Variants in FCHSD2 observed in about 807,000 individuals in gnomAD.
FCHSD2 encodes F-BAR and double SH3 domains protein 2.
A neutral mutation model predicts 108.1 loss-of-function variants in FCHSD2; 38 were observed. That is an observed-to-expected ratio of 0.35 (90% CI 0.27 to 0.46). The LOEUF is 0.46. Among genes scored for constraint, FCHSD2 ranks in the 20% least tolerant of loss-of-function variants. The pLI, the probability that FCHSD2 is intolerant of heterozygous loss-of-function variation, is 1.00. For missense variants in FCHSD2, 751 were observed against 897.8 expected (o/e 0.84, Z 2.09); for synonymous variants, 279 against 314.7 (o/e 0.89, Z 1.20).
At chr11:72,882,243 C>G (rs1035521089) in intron 12 of FCHSD2, among the ~76,000 whole-genome samples, 1 of 151,824 alleles carries the variant, frequency 6.6e-6, no homozygotes, top group Non-Finnish European at 1.5e-5. Flanking sequence ...GAGTTCGAGA[C>G]CAGCTTGGCC....
chr11:73,132,051 T>C (rs1192348299), intron 2 of FCHSD2, among the ~76,000 whole-genome samples: 1 of 152,204 alleles, frequency 6.6e-6, no homozygotes, highest in Non-Finnish European at 1.5e-5. Context: ...ATTCCAACCA[T>C]TGTCTCTGGG....
intron 8 of FCHSD2, among the ~76,000 whole-genome samples, chr11:72,956,282 T>C (rs1054779086): frequency 1.7e-4 from 26 of 152,034 alleles, no homozygotes; most frequent in African/African-American, 6.0e-4. Flanking sequence ...CTAAGAAAAG[T>C]AGAAGAAATG....
chr11:73,103,869 C>T (rs143395790), intron 2 of FCHSD2, among the ~76,000 whole-genome samples: 3 of 152,332 alleles, frequency 2.0e-5, no homozygotes, highest in Admixed American at 2.0e-4. Context: ...ACCAAGCAAA[C>T]TCTCCTCCAG....
intron 3 of FCHSD2, among the ~76,000 whole-genome samples, chr11:73,082,251 C>T (rs1225357583): frequency 7.3e-6 from 1 of 137,110 alleles, no homozygotes; most frequent in South Asian, 2.4e-4. Flanking sequence ...GCAGGAGAAT[C>T]GCTTGAATCT....
At chr11:72,882,775 C>G (rs908204924) in intron 12 of FCHSD2, among the ~76,000 whole-genome samples, 19 of 152,168 alleles carry the variant, frequency 1.2e-4, no homozygotes, top group African/African-American at 4.6e-4. Flanking sequence ...GTTGAGAAGT[C>G]AATTCTCCTC....
At chr11:72,958,519 AAAAAC>A (rs900386832) in intron 8 of FCHSD2, among the ~76,000 whole-genome samples, 1 of 152,236 alleles carries the variant, frequency 6.6e-6, no homozygotes. Flanking sequence ...TCCATCTCAA[AAAAAC>A]AAAACAAAAC....
intron 5 of FCHSD2, among the ~76,000 whole-genome samples, chr11:72,999,088 C>G (rs1857574314): frequency 6.6e-6 from 1 of 152,144 alleles, no homozygotes; most frequent in Admixed American, 6.5e-5. Context: ...TAGATCCACC[C>G]ATGCTTGAAG....
At chr11:73,096,987 A>AATTTTTTTTTTTTTTTTTTTTT (rs1860095700) in intron 2 of FCHSD2, among the ~76,000 whole-genome samples, 5 of 27,022 alleles carry the variant, frequency 1.9e-4, no homozygotes, top group Admixed American at 8.4e-4. Context: ...TCATTGATGG[A>AATTTTTTTTTTTTTTTTTTTTT]TTTTTTTTTT....
rs548491010 is a variant in FCHSD2, at chr11:73,133,992, TA to T, written c.119+6038del. 7.7e-3 allele frequency among the ~76,000 whole-genome samples: 1,146 copies of T among 149,360 alleles called. 9 individuals are homozygous for T. The highest frequency in any genetic ancestry group is 0.026 in the African/African-American group (1,062 of 40,676). ...TTGGCGTGACGATTGTACAATCCTA[TA>T]AAAAAAAAGTTGAATGGTACACTTT... is the stretch of plus-strand genomic sequence containing the variant. On this transcript the variant is annotated intron_variant, in intron 2 of 19. Transcript: ENST00000409418.
intron 5 of FCHSD2, among the ~76,000 whole-genome samples, chr11:72,995,485 T>C (rs1413540210): frequency 6.6e-6 from 1 of 151,912 alleles, no homozygotes. Context: ...CCAGATATCT[T>C]GAGCCCTGGA....
intron 4 of FCHSD2, among the ~76,000 whole-genome samples, chr11:73,003,631 C>A (rs1350666615): frequency 1.3e-5 from 2 of 150,118 alleles, no homozygotes; most frequent in Non-Finnish European, 3.0e-5. Context: ...GGACTACAGG[C>A]GCCCGCCACT....
chr11:73,043,323 G>A (rs1022446115), intron 3 of FCHSD2, among the ~76,000 whole-genome samples: 4 of 152,142 alleles, frequency 2.6e-5, no homozygotes, highest in Non-Finnish European at 5.9e-5. Context: ...AAGTAGTGAA[G>A]ATAAATATTA....
intron 5 of FCHSD2, among the ~76,000 whole-genome samples, chr11:72,997,890 G>A (rs1269287219): frequency 6.6e-6 from 1 of 152,062 alleles, no homozygotes; most frequent in Non-Finnish European, 1.5e-5. Flanking sequence ...TTGTAGAGAC[G>A]GGATTTCACC....
At chr11:73,013,640 A>G (rs976403445) in intron 4 of FCHSD2, among the ~76,000 whole-genome samples, 1 of 152,194 alleles carries the variant, frequency 6.6e-6, no homozygotes, top group Non-Finnish European at 1.5e-5. Flanking sequence ...TATTATATCT[A>G]CCTCACAGAG....
chr11:73,101,416 T>G (rs1860222068), intron 2 of FCHSD2, among the ~76,000 whole-genome samples: 1 of 152,082 alleles, frequency 6.6e-6, no homozygotes, highest in Non-Finnish European at 1.5e-5. Flanking sequence ...AGGTAAAGGC[T>G]GTACTCTTGT....
intron 3 of FCHSD2, among the ~76,000 whole-genome samples, chr11:73,038,981 C>T (rs1858565491): frequency 6.6e-6 from 1 of 152,158 alleles, no homozygotes; most frequent in Non-Finnish European, 1.5e-5. Context: ...GCCTAGTATT[C>T]ATAATCTTCT....
chr11:73,017,254 C>T (rs982612167), intron 3 of FCHSD2, among the ~76,000 whole-genome samples: 1 of 152,202 alleles, frequency 6.6e-6, no homozygotes, highest in Admixed American at 6.5e-5. Flanking sequence ...TCTGGGATTA[C>T]AAGTATGAGT....
intron 3 of FCHSD2, among the ~76,000 whole-genome samples, chr11:73,029,409 T>C (rs919910803): frequency 6.6e-6 from 1 of 152,136 alleles, no homozygotes; most frequent in Admixed American, 6.5e-5. Context: ...AGAGAAAGAT[T>C]TGGAGAGTAA....
At chr11:73,047,481 G>A (rs1858796426) in intron 3 of FCHSD2, among the ~76,000 whole-genome samples, 1 of 152,136 alleles carries the variant, frequency 6.6e-6, no homozygotes, top group South Asian at 2.1e-4. Flanking sequence ...TCTATCCTTT[G>A]TTTTGGATTC....
Sources: allele counts gnomAD v4.1 joint callset (sites outside exome capture counted in the v4.1 genomes callset), GRCh38; gene constraint gnomAD v4.1.1; transcripts MANE v1.5; gene names NCBI Gene and HGNC (gene_info 2026-07-23, HGNC 2026-07-21).